The following KRT18 variants were observed in gnomAD, a reference collection of about 807,000 sequenced individuals.
KRT18 encodes keratin, type I cytoskeletal 18.
KRT18 carries 8 observed loss-of-function variants against 39.9 expected under a neutral mutation model. The observed-to-expected ratio is 0.20, with a 90% CI of 0.12 to 0.36. The LOEUF (loss-of-function observed/expected upper bound fraction) is 0.36, where lower values mean the gene tolerates loss of function less well. Among genes scored for constraint, KRT18 ranks in the 10% least tolerant of loss-of-function variants. The pLI is 1.00. For synonymous variants in KRT18, 194 were observed against 227.8 expected, an observed-to-expected ratio of 0.85 and a Z score of 1.33; for missense variants, 396 against 565.7, an observed-to-expected ratio of 0.70 and a Z score of 3.04.
At chr12:52,952,577 C>T (rs1365461885) in intron 6 of KRT18, 145 bp from the exon 7 acceptor site, 6 of 966,918 alleles carry the variant, frequency 6.2e-6, no homozygotes, top group Non-Finnish European at 8.3e-6. Context: ...TGAAGTTTGG[C>T]CTTGAGTTTC....
In KRT18 at chr12:52,952,848, C is replaced by T; in HGVS notation, c.*6C>T. 1 of 1,605,986 alleles carries T rather than the reference C, an allele frequency of 6.2e-7. No homozygotes were observed. Among genetic ancestry groups the T allele is most frequent in the South Asian group, 1.1e-5 (1 of 91,060 alleles). ...CCAAAGTTCTGAGGCATTAAGCCAG[C>T]AGAAGCAGGGTACCCTTTGGGGAGC... On this transcript the variant is annotated 3_prime_UTR_variant, in exon 7 of 7. Coordinates refer to ENST00000388835, the MANE Select transcript of KRT18 (RefSeq NM_000224.3).
Position 52,952,196 on chromosome 12 carries a change from G to A in KRT18, c.1026G>A (p.Leu342=), listed in dbSNP as rs1240995128. Residue 342 remains leucine, a synonymous_variant, in exon 6 of 7, where the codon CTG becomes CTA. Transcript: ENST00000388835. The stretch of plus-strand genomic sequence containing the variant: ...AGATGGAGCAGCTCAACGGGATCCT[G>A]CTGCACCTTGAGTCAGAGCTGGCAC... ...ALQMEQLNGI[L]LHLESELAQT... 1 of 1,591,478 alleles carries A rather than the reference G, an allele frequency of 6.3e-7. No individual in the cohort carries two copies. The highest frequency in any genetic ancestry group is 8.6e-7 in the Non-Finnish European group (1 of 1,169,480).
chr12:52,950,175 G>T, intron 1 of KRT18, 153 bp from the exon 2 acceptor site: 1 of 750,868 alleles, frequency 1.3e-6, no homozygotes. Flanking sequence ...ATGGGGTGGG[G>T]CTAGATGAAA....
chr12:52,949,102 C>T, upstream of KRT18: 1 of 1,333,772 alleles, frequency 7.5e-7, no homozygotes, highest in Non-Finnish European at 1.0e-6. Flanking sequence ...TAACTCGGGT[C>T]GCGCGGCTCG....
At chr12:52,951,166 A>T (rs1441424653) in intron 3 of KRT18, among the ~76,000 whole-genome samples, 4 of 152,196 alleles carry the variant, frequency 2.6e-5, no homozygotes, top group Non-Finnish European at 5.9e-5. Flanking sequence ...TAACACTAGG[A>T]GCTGGGGGTG....
Position 52,951,792 on chromosome 12 carries a change from C to T in KRT18, c.884C>T (p.Thr295Met), listed in dbSNP as rs267607418. ...QSAEVGAAET[T>M]LTELRRTVQS... Reference sequence around the variant, plus strand: ...GCTGAGGTTGGAGCTGCTGAGACGACGCTCACAGAGCTGAGACGTACAGTC... The same window carrying T: ...GCTGAGGTTGGAGCTGCTGAGACGATGCTCACAGAGCTGAGACGTACAGTC... Residue 295 changes from threonine (T) to methionine (M), a missense_variant, in exon 5 of 7, where the codon ACG becomes ATG. By Grantham distance (81) the Thr-to-Met change is moderately conservative. Coordinates refer to ENST00000388835, the MANE Select transcript of KRT18 (RefSeq NM_000224.3). The T allele has an allele frequency of 7.9e-5, 128 of 1,611,998 alleles. No individual in the cohort carries two copies. The highest frequency in any genetic ancestry group is 1.3e-4 in the African/African-American group (10 of 75,040).
chr12:52,951,419 A>C, intron 3 of KRT18, 62 bp from the exon 4 acceptor site: 1 of 1,526,928 alleles, frequency 6.5e-7, no homozygotes, highest in South Asian at 1.1e-5. Context: ...CAATCACAGA[A>C]GAAAGGCCTT....
Position 52,952,176 on chromosome 12 carries a change from G to C in KRT18, c.1006G>C (p.Glu336Gln). 1 of 1,584,330 alleles carries C rather than the reference G, an allele frequency of 6.3e-7. No homozygotes were observed. Among genetic ancestry groups the C allele is most frequent in the Non-Finnish European group, 8.6e-7 (1 of 1,165,342 alleles). Residue 336 changes from glutamate to glutamine, a missense_variant, in exon 6 of 7, where the codon GAG (glutamate) becomes CAG (glutamine). By Grantham distance (29) the Glu-to-Gln change is conservative. Coordinates refer to ENST00000388835, the MANE Select transcript of KRT18 (RefSeq NM_000224.3). ...EVEARYALQM[E>Q]QLNGILLHLE... ...GGAGGCCCGCTACGCCCTACAGATG[G>C]AGCAGCTCAACGGGATCCTGCTGCA...
Position 52,949,154 on chromosome 12 carries a change from T to A in KRT18, c.-20T>A. On this transcript the variant is annotated 5_prime_UTR_variant, in exon 1 of 7. Transcript: ENST00000388835. ...CGTCCGCAAAGCCTGAGTCCTGTCC[T>A]TTCTCTCTCCCCGGACAGCATGAGC... The A allele has an allele frequency of 6.4e-7, 1 of 1,560,252 alleles. No homozygotes were observed. Among genetic ancestry groups the A allele is most frequent in the Non-Finnish European group, 8.8e-7 (1 of 1,134,998 alleles).
Position 52,950,877 on chromosome 12 carries a change from C to T in KRT18, c.628C>T (p.Leu210=). The change falls in exon 3 of 7, where the codon CTG becomes TTG. Residue 210 remains leucine (L), a synonymous_variant. Coordinates refer to ENST00000388835, the MANE Select transcript of KRT18 (RefSeq NM_000224.3). ...AGAGATCGAGGCTCTCAAGGAGGAG[C>T]TGCTCTTCATGAAGAAGAACCACGA... is the stretch of plus-strand genomic sequence containing the variant. ...ETEIEALKEE[L]LFMKKNHEEE... The T allele has an allele frequency of 6.3e-7, 1 of 1,591,620 alleles. No individual in the cohort carries two copies.
At chr12:52,949,947 G>A (rs1434462930) in intron 1 of KRT18, 4 of 621,114 alleles carry the variant, frequency 6.4e-6, no homozygotes, top group African/African-American at 5.5e-5. Flanking sequence ...AGTCATCTAG[G>A]AGTAAACAAG....
At chr12:52,950,649 C>A in intron 2 of KRT18, 101 bp from the exon 3 acceptor site, 1 of 1,264,444 alleles carries the variant, frequency 7.9e-7, no homozygotes, top group Non-Finnish European at 1.1e-6. Flanking sequence ...ACTCAAGTTG[C>A]TGGTTTGCAA....
At position 52,950,886 on chromosome 12, in the gene KRT18, A is replaced by G; in HGVS notation, c.637A>G (p.Met213Val). 1 of 1,586,712 alleles carries G rather than the reference A, an allele frequency of 6.3e-7. No individual in the cohort carries two copies. The highest frequency in any genetic ancestry group is 8.6e-7 in the Non-Finnish European group (1 of 1,167,442). ...IEALKEELLF[M>V]KKNHEEEVKG... is the part of the protein sequence containing the mutation. ...GGCTCTCAAGGAGGAGCTGCTCTTC[A>G]TGAAGAAGAACCACGAAGAGGCAAG... Residue 213 changes from methionine (M) to valine (V), a missense_variant, in exon 3 of 7, where the codon ATG becomes GTG. Physicochemically the swap from Met to Val is conservative, Grantham distance 21. Coordinates refer to ENST00000388835, the MANE Select transcript of KRT18 (RefSeq NM_000224.3).
chr12:52,952,816 A>G lies in KRT18; in HGVS notation c.1267A>G (p.Asn423Asp). ...GGATGGCAAAGTGGTGTCTGAGACC[A>G]ATGACACCAAAGTTCTGAGGCATTA... ...IVDGKVVSET[N>D]DTKVLRH Residue 423 changes from asparagine (N) to aspartate (D), a missense_variant, in exon 7 of 7, where the codon AAT (asparagine) becomes GAT (aspartate). Asn to Asp is a conservative substitution (Grantham distance 23, BLOSUM62 1). Coordinates refer to ENST00000388835, the MANE Select transcript of KRT18 (RefSeq NM_000224.3). 6.2e-7 allele frequency: 1 copy of G among 1,610,518 alleles called. No homozygotes were observed. Among genetic ancestry groups the G allele is most frequent in the Non-Finnish European group, 8.5e-7 (1 of 1,179,516 alleles).
rs1942471662 is a variant in KRT18 at position 52,950,815 on chromosome 12, T to C, written c.566T>C (p.Ile189Thr). 2 of 1,610,720 alleles carry C rather than the reference T, an allele frequency of 1.2e-6. No homozygotes were observed. The highest frequency in any genetic ancestry group is 2.2e-5 in the South Asian group (2 of 90,618). Reference sequence around the variant, plus strand: ...GACATCCATGGGCTCCGCAAGGTCATTGATGACACCAATATCACACGACTG... The same window carrying C: ...GACATCCATGGGCTCCGCAAGGTCACTGATGACACCAATATCACACGACTG... ...ENDIHGLRKV[I>T]DDTNITRLQL... The change falls in exon 3 of 7, where the codon ATT (isoleucine) becomes ACT (threonine). Residue 189 changes from isoleucine (I) to threonine (T), a missense_variant. By Grantham distance (89) the Ile-to-Thr change is moderately conservative. Coordinates refer to ENST00000388835, the MANE Select transcript of KRT18 (RefSeq NM_000224.3).
At chr12:52,950,529 T>C (rs754156619) in intron 2 of KRT18, 119 bp downstream of exon 2, 3 of 843,786 alleles carry the variant, frequency 3.6e-6, no homozygotes, top group Non-Finnish European at 6.2e-6. Flanking sequence ...TGGATGAGAG[T>C]CAGGGTCCAT....
rs762129501 is a variant in KRT18, at chr12:52,951,614, G to A, written c.791G>A (p.Arg264Gln). Residue 264 changes from arginine to glutamine, a missense_variant, in exon 4 of 7, where the codon CGA becomes CAA. By Grantham distance (43) the Arg-to-Gln change is conservative (BLOSUM62 1). Transcript: ENST00000388835. The part of the protein sequence containing the change: ...AQYDELARKN[R>Q]EELDKYWSQQ... ...TATGACGAGCTGGCTCGGAAGAACC[G>A]AGAGGAGCTAGACAAGTACTGGTCT... The A allele has an allele frequency of 1.5e-5, 24 of 1,614,008 alleles. No homozygotes were observed. The Admixed American group carries it at 2.7e-4, about 18-fold the overall frequency.
At chr12:52,949,716 T>A (rs1418413337) in intron 1 of KRT18, 126 bp downstream of exon 1, 1 of 871,220 alleles carries the variant, frequency 1.1e-6, no homozygotes, top group Admixed American at 2.0e-5. Context: ...TGGGCATACC[T>A]GGATTTCCAT....
At position 52,952,358 on chromosome 12, in the gene KRT18, C is replaced by T. The variant is rs1429818786; in HGVS notation, c.1172+16C>T. On this transcript the variant is annotated intron_variant, in intron 6 of 6. Transcript: ENST00000388835. Reference sequence around the variant, plus strand: ...AGGACTTTAAGTGAGTGGGGCTCTCCTACCCACACGTGCTGGGATCAGGAG... The same window carrying T: ...AGGACTTTAAGTGAGTGGGGCTCTCTTACCCACACGTGCTGGGATCAGGAG... 3 of 1,511,736 alleles carry T rather than the reference C, an allele frequency of 2.0e-6. No individual in the cohort carries two copies. In the Admixed American group the frequency reaches 5.5e-5, roughly 28 times the overall value. The allele number at this position is 1,511,736 out of a possible 1,614,324, so 93.6% of individuals were successfully genotyped here. A position where few individuals can be genotyped will look rare whatever the true frequency, so the allele number is the denominator to read the frequency against.
Sources: allele counts gnomAD v4.1 joint callset (sites outside exome capture counted in the v4.1 genomes callset), GRCh38; gene constraint gnomAD v4.1.1; transcripts MANE v1.5; gene names NCBI Gene and HGNC (gene_info 2026-07-23, HGNC 2026-07-21).